EGFLAM: variants seen among roughly 807,000 people sequenced by gnomAD.
The protein encoded by EGFLAM is pikachurin.
Under a neutral mutation model 113.1 loss-of-function variants are expected in EGFLAM, and 79 were observed. The ratio of observed to expected loss-of-function variants is 0.70; its 90% CI spans 0.58 to 0.84. The LOEUF (loss-of-function observed/expected upper bound fraction) is 0.84. Ranked by LOEUF, EGFLAM falls within the 40% of genes least tolerant of loss-of-function variation. EGFLAM has a pLI of 0.00. For missense variants in EGFLAM, 1,265 were observed against 1,291.6 expected, an observed-to-expected ratio of 0.98 and a Z score of 0.32; for synonymous variants, 504 against 487.6, an observed-to-expected ratio of 1.03 and a Z score of -0.44.
At chr5:38,324,758 TG>T (rs1173349308) in intron 1 of EGFLAM, among the ~76,000 whole-genome samples, 1 of 152,042 alleles carries the variant, frequency 6.6e-6, no homozygotes, top group African/African-American at 2.4e-5. Context: ...GGGAAGGCAG[TG>T]GGTTCCACTG....
chr5:38,363,766 A>T (rs2112018656), intron 5 of EGFLAM, among the ~76,000 whole-genome samples: 1 of 152,304 alleles, frequency 6.6e-6, no homozygotes, highest in Admixed American at 6.5e-5. Context: ...CATAGGCTTC[A>T]TTGGACTGTC....
rs548766821 is a variant in EGFLAM at position 38,310,096 on chromosome 5, T to C, written c.98-27424T>C. Among the ~76,000 whole-genome samples the C allele has an allele frequency of 5.9e-5, 9 of 152,294 alleles. No individual in the cohort carries two copies. The South Asian group carries it at 1.9e-3, about 32-fold the overall frequency. ...TGCTATTTCATCCCTAGAGCAACAGTCAAGTCTTATCTTTTAAAGTGGCTA... is the reference window on the plus strand; with the variant it reads ...TGCTATTTCATCCCTAGAGCAACAGCCAAGTCTTATCTTTTAAAGTGGCTA... On this transcript the variant is annotated intron_variant, in intron 1 of 21. Transcript: ENST00000322350.
At chr5:38,385,796 A>G (rs570891228) in intron 6 of EGFLAM, among the ~76,000 whole-genome samples, 6 of 152,336 alleles carry the variant, frequency 3.9e-5, no homozygotes, top group Middle Eastern at 3.4e-3. Flanking sequence ...TACTGAACTA[A>G]ATACAGTAAT....
chr5:38,295,704 G>T (rs1287457492), intron 1 of EGFLAM, among the ~76,000 whole-genome samples: 1 of 152,118 alleles, frequency 6.6e-6, no homozygotes, highest in Non-Finnish European at 1.5e-5. Context: ...GTAAGATTAT[G>T]GTTATTAGGC....
At chr5:38,281,441 T>C (rs538871909) in intron 1 of EGFLAM, among the ~76,000 whole-genome samples, 1 of 152,266 alleles carries the variant, frequency 6.6e-6, no homozygotes, top group Admixed American at 6.5e-5. Context: ...ATGGGACATA[T>C]TTATACGAAA....
At chr5:38,431,692 G>T (rs570102967) in intron 15 of EGFLAM, among the ~76,000 whole-genome samples, 1 of 152,278 alleles carries the variant, frequency 6.6e-6, no homozygotes, top group East Asian at 1.9e-4. Flanking sequence ...GACTCCTGGG[G>T]CTCAAAATCT....
intron 5 of EGFLAM, among the ~76,000 whole-genome samples, chr5:38,365,560 T>C (rs1740037670): frequency 6.6e-6 from 1 of 152,172 alleles, no homozygotes; most frequent in African/African-American, 2.4e-5. Flanking sequence ...AAAAGTTCAG[T>C]GCAGTGTGTT....
At chr5:38,311,808 G>A (rs145610891) in intron 1 of EGFLAM, among the ~76,000 whole-genome samples, 1 of 152,334 alleles carries the variant, frequency 6.6e-6, no homozygotes, top group African/African-American at 2.4e-5. Context: ...GAAACAGAAG[G>A]AAGGAATGGT....
intron 1 of EGFLAM, among the ~76,000 whole-genome samples, chr5:38,329,343 A>G (rs2589828): frequency 0.055 from 8,396 of 151,852 alleles, 819 homozygotes; most frequent in African/African-American, 0.19. Flanking sequence ...ATAAATTTTA[A>G]AAGTCTGATT....
intron 17 of EGFLAM, among the ~76,000 whole-genome samples, chr5:38,438,960 A>G (rs1375602722): frequency 6.6e-6 from 1 of 152,228 alleles, no homozygotes. Flanking sequence ...GTATAGTGCT[A>G]TTTTTTAGGC....
At chr5:38,270,896 T>A (rs544001093) in intron 1 of EGFLAM, among the ~76,000 whole-genome samples, 5 of 152,316 alleles carry the variant, frequency 3.3e-5, no homozygotes, top group Middle Eastern at 3.4e-3. Flanking sequence ...ATGTTAACTT[T>A]TCTATATTTA....
At chr5:38,436,565 T>C (rs1163311875) in intron 16 of EGFLAM, among the ~76,000 whole-genome samples, 1 of 152,178 alleles carries the variant, frequency 6.6e-6, no homozygotes, top group Non-Finnish European at 1.5e-5. Context: ...TGGCCATGCT[T>C]AACCAGGTGT....
At chr5:38,328,697 C>T (rs1379272990) in intron 1 of EGFLAM, among the ~76,000 whole-genome samples, 1 of 144,186 alleles carries the variant, frequency 6.9e-6, no homozygotes, top group African/African-American at 2.5e-5. Context: ...TGAATATTTC[C>T]CCATGTGTGT....
At chr5:38,298,993 C>T (rs1018262764) in intron 1 of EGFLAM, among the ~76,000 whole-genome samples, 12 of 152,204 alleles carry the variant, frequency 7.9e-5, no homozygotes, top group Non-Finnish European at 1.5e-4. Flanking sequence ...TCCTAAACTG[C>T]ACATCTTTAA....
At chr5:38,259,143 T>C (rs1168046339) in intron 1 of EGFLAM, among the ~76,000 whole-genome samples, 5 of 152,254 alleles carry the variant, frequency 3.3e-5, no homozygotes, top group Non-Finnish European at 7.3e-5. Flanking sequence ...ACAGCGATCG[T>C]GCTGTCTCAA....
chr5:38,409,367 C>G (rs1254342968), intron 10 of EGFLAM, among the ~76,000 whole-genome samples: 1 of 152,132 alleles, frequency 6.6e-6, no homozygotes, highest in Non-Finnish European at 1.5e-5. Flanking sequence ...TAGAGTGTAC[C>G]TGGTCCTGGG....
intron 2 of EGFLAM, among the ~76,000 whole-genome samples, chr5:38,338,029 C>T (rs1311919502): frequency 6.6e-6 from 1 of 152,150 alleles, no homozygotes; most frequent in Non-Finnish European, 1.5e-5. Flanking sequence ...GAGGAAGCAC[C>T]AGAGAATGCA....
At chr5:38,419,433 A>G (rs2112166388) in intron 12 of EGFLAM, among the ~76,000 whole-genome samples, 1 of 152,174 alleles carries the variant, frequency 6.6e-6, no homozygotes, top group Non-Finnish European at 1.5e-5. Flanking sequence ...TTTTCCCTCC[A>G]TCTCTAAGAT....
At chr5:38,404,741 T>C (rs1741225016) in intron 6 of EGFLAM, among the ~76,000 whole-genome samples, 1 of 152,246 alleles carries the variant, frequency 6.6e-6, no homozygotes, top group Non-Finnish European at 1.5e-5. Context: ...CCAAAGTTGT[T>C]ACTGCCCTAA....
Sources: gnomAD v4.1 joint callset for allele counts (sites outside exome capture counted in the v4.1 genomes callset) on GRCh38, gnomAD v4.1.1 for gene constraint, MANE v1.5 for transcripts, NCBI Gene and HGNC (gene_info 2026-07-23, HGNC 2026-07-21) for gene names.